Variants in TMCC1 observed in about 807,000 individuals in gnomAD.
The protein encoded by TMCC1 is transmembrane and coiled-coil domains protein 1.
Under a neutral mutation model 52.4 loss-of-function variants are expected in TMCC1, and 15 were observed. That is an observed-to-expected ratio of 0.29 (90% CI 0.19 to 0.44). The LOEUF (loss-of-function observed/expected upper bound fraction) is 0.44. TMCC1 is among the 20% of genes least tolerant of loss of function. TMCC1 has a pLI of 1.00. For synonymous variants in TMCC1, 279 were observed against 301.9 expected, an observed-to-expected ratio of 0.92 and a Z score of 0.79; for missense variants, 503 against 806.0, an observed-to-expected ratio of 0.62 and a Z score of 4.55.
chr3:129,884,644 AAC>A (rs2061607992), intron 1 of TMCC1, among the ~76,000 whole-genome samples: 1 of 152,214 alleles, frequency 6.6e-6, no homozygotes, highest in African/African-American at 2.4e-5. Flanking sequence ...TTTGTCTGAT[AAC>A]AGAGTCTTTT....
chr3:129,783,762 G>A (rs1038025098), intron 4 of TMCC1, among the ~76,000 whole-genome samples: 4 of 152,190 alleles, frequency 2.6e-5, no homozygotes, highest in South Asian at 2.1e-4. Context: ...GAAGCACAGA[G>A]AAATTAAATG....
chr3:129,883,294 A>G (rs1180866880), intron 1 of TMCC1, among the ~76,000 whole-genome samples: 3 of 152,014 alleles, frequency 2.0e-5, no homozygotes, highest in South Asian at 4.1e-4. Flanking sequence ...TCTGGGTGAC[A>G]GAGCGAGACA....
At chr3:129,691,727 G>C (rs561150548) in intron 4 of TMCC1, among the ~76,000 whole-genome samples, 1 of 152,266 alleles carries the variant, frequency 6.6e-6, no homozygotes, top group East Asian at 1.9e-4. Context: ...GAGCTGCAGT[G>C]AGCTATGATT....
At chr3:129,855,219 A>C (rs963595597) in intron 2 of TMCC1, among the ~76,000 whole-genome samples, 2 of 152,248 alleles carry the variant, frequency 1.3e-5, no homozygotes, top group African/African-American at 4.8e-5. Context: ...TCCATTGAAT[A>C]AAATAAAGCA....
At chr3:129,843,783 T>A (rs1457769958) in intron 2 of TMCC1, among the ~76,000 whole-genome samples, 1 of 152,018 alleles carries the variant, frequency 6.6e-6, no homozygotes, top group Non-Finnish European at 1.5e-5. Flanking sequence ...TAATGGTTAA[T>A]TCGACCAACC....
intron 2 of TMCC1, among the ~76,000 whole-genome samples, chr3:129,857,085 AT>A (rs1303316856): frequency 1.3e-5 from 2 of 151,940 alleles, no homozygotes; most frequent in African/African-American, 4.8e-5. Flanking sequence ...AACCCGGTTA[AT>A]TTTTTTTGTA....
intron 4 of TMCC1, among the ~76,000 whole-genome samples, chr3:129,743,560 A>T (rs1437005155): frequency 1.3e-5 from 2 of 152,196 alleles, no homozygotes; most frequent in East Asian, 3.8e-4. Context: ...TTGTAGTAAC[A>T]TTATACAAAT....
chr3:129,803,959 A>T (rs1302639787), intron 4 of TMCC1, among the ~76,000 whole-genome samples: 1 of 152,320 alleles, frequency 6.6e-6, no homozygotes, highest in African/African-American at 2.4e-5. Flanking sequence ...TATATGTCTA[A>T]GGTTTTGTTC....
At chr3:129,797,208 C>G (rs543250802) in intron 4 of TMCC1, among the ~76,000 whole-genome samples, 21 of 152,234 alleles carry the variant, frequency 1.4e-4, no homozygotes, top group African/African-American at 3.4e-4. Flanking sequence ...CACCTGTAGT[C>G]CCAGCTACTC....
At chr3:129,671,383 T>TA in intron 4 of TMCC1, 119 bp from the exon 5 acceptor site, 4 of 1,079,956 alleles carry the variant, frequency 3.7e-6, no homozygotes, top group Non-Finnish European at 5.2e-6. Flanking sequence ...AACTGACCTA[T>TA]AATTCCCCCT....
At chr3:129,761,551 G>A (rs1308724580) in intron 4 of TMCC1, among the ~76,000 whole-genome samples, 1 of 152,114 alleles carries the variant, frequency 6.6e-6, no homozygotes, top group Non-Finnish European at 1.5e-5. Flanking sequence ...AATTTCTGCA[G>A]ATGTTATAAT....
chr3:129,756,206 T>C (rs555105286), intron 4 of TMCC1, among the ~76,000 whole-genome samples: 75 of 152,132 alleles, frequency 4.9e-4, no homozygotes, highest in Non-Finnish European at 8.2e-4. Context: ...AGCTCCTATA[T>C]ATTTATCCAA....
At position 129,697,283 on chromosome 3, in the gene TMCC1, TGGAAGCTACCAA is replaced by T. The variant is rs200338528; in HGVS notation, c.577-26031_577-26020del. 1.3e-4 allele frequency among the ~76,000 whole-genome samples: 20 copies of T among 152,320 alleles called. No individual in the cohort carries two copies. In the East Asian group the frequency reaches 3.9e-3, roughly 29 times the overall value. Reference sequence around the variant, plus strand: ...GTGTACCTACAGGCTCAACACCACATGGAAGCTACCAAGGTATAGGGCCTTCACCCTCCAAAG... The same window carrying T: ...GTGTACCTACAGGCTCAACACCACATGGTATAGGGCCTTCACCCTCCAAAG... On this transcript the variant is annotated intron_variant, in intron 4 of 6. Coordinates refer to ENST00000393238, the MANE Select transcript of TMCC1 (RefSeq NM_001017395.5).
intron 1 of TMCC1, among the ~76,000 whole-genome samples, chr3:129,881,866 G>A (rs1165409622): frequency 6.6e-6 from 1 of 152,132 alleles, no homozygotes; most frequent in Non-Finnish European, 1.5e-5. Flanking sequence ...AGTAAGGTAT[G>A]GGACAACTTC....
intron 4 of TMCC1, among the ~76,000 whole-genome samples, chr3:129,817,478 G>A (rs1038685792): frequency 3.3e-5 from 5 of 152,028 alleles, no homozygotes; most frequent in African/African-American, 1.2e-4. Flanking sequence ...TGAACTTTAA[G>A]ATCATGAAAT....
intron 4 of TMCC1, among the ~76,000 whole-genome samples, chr3:129,822,157 G>T (rs192327458): frequency 9.9e-4 from 150 of 152,208 alleles, no homozygotes; most frequent in African/African-American, 3.4e-3. Flanking sequence ...AGACATCTGA[G>T]AATCCAGGAT....
chr3:129,791,436 G>C (rs977481115), intron 4 of TMCC1, among the ~76,000 whole-genome samples: 3 of 152,140 alleles, frequency 2.0e-5, no homozygotes, highest in Admixed American at 2.0e-4. Flanking sequence ...TGGGGAAACA[G>C]AATGGGTTTG....
chr3:129,882,950 C>T (rs1006044071), intron 1 of TMCC1, among the ~76,000 whole-genome samples: 1 of 152,044 alleles, frequency 6.6e-6, no homozygotes, highest in East Asian at 1.9e-4. Context: ...GATGGTTGCA[C>T]AACATTATGA....
At chr3:129,737,820 T>C (rs1025644564) in intron 4 of TMCC1, among the ~76,000 whole-genome samples, 3 of 152,162 alleles carry the variant, frequency 2.0e-5, no homozygotes, top group Non-Finnish European at 4.4e-5. Flanking sequence ...CTTGATATCA[T>C]CTAATATTCA....
Sources: gnomAD v4.1 joint callset for allele counts (sites outside exome capture counted in the v4.1 genomes callset) on GRCh38, gnomAD v4.1.1 for gene constraint, MANE v1.5 for transcripts, NCBI Gene and HGNC (gene_info 2026-07-23, HGNC 2026-07-21) for gene names.